Variants in EPHA3 observed in about 807,000 individuals in gnomAD.
The protein encoded by EPHA3 is EPH receptor A3.
Under a neutral mutation model 107.1 loss-of-function variants are expected in EPHA3, and 42 were observed. That is an observed-to-expected ratio of 0.39 (90% CI 0.31 to 0.51). EPHA3 has a LOEUF of 0.51. Ranked by LOEUF, EPHA3 falls within the 20% of genes least tolerant of loss-of-function variation. EPHA3 has a pLI of 0.78. For synonymous variants in EPHA3, 461 were observed against 424.8 expected, an observed-to-expected ratio of 1.09 and a Z score of -1.05; for missense variants, 1,183 against 1,211.2, an observed-to-expected ratio of 0.98 and a Z score of 0.35.
intron 3 of EPHA3, among the ~76,000 whole-genome samples, chr3:89,258,210 C>A (rs1257108691): frequency 2.0e-5 from 3 of 152,084 alleles, no homozygotes; most frequent in Admixed American, 6.5e-5. Flanking sequence ...TAGCTTATGT[C>A]CTGAAAGACA....
At chr3:89,206,284 C>G (rs1035727856) in intron 2 of EPHA3, among the ~76,000 whole-genome samples, 4 of 152,150 alleles carry the variant, frequency 2.6e-5, no homozygotes, top group African/African-American at 9.7e-5. Context: ...ACACTGAGAT[C>G]TCCATAATTA....
intron 3 of EPHA3, among the ~76,000 whole-genome samples, chr3:89,277,641 T>G (rs185959204): frequency 6.6e-6 from 1 of 152,272 alleles, no homozygotes; most frequent in Admixed American, 6.6e-5. Flanking sequence ...TAATTCAAAC[T>G]CTAAAGCACC....
chr3:89,385,041 C>CAT (rs140419595), intron 5 of EPHA3, among the ~76,000 whole-genome samples: 2,433 of 152,256 alleles, frequency 0.016, 67 homozygotes, highest in African/African-American at 0.055. Context: ...ATTTTATACA[C>CAT]ACACATACAT....
At chr3:89,461,172 C>G (rs1710231965) in intron 15 of EPHA3, among the ~76,000 whole-genome samples, 1 of 98,758 alleles carries the variant, frequency 1.0e-5, no homozygotes, top group African/African-American at 4.9e-5. Flanking sequence ...TTTTTTATGG[C>G]TGCATAGTAT....
intron 13 of EPHA3, among the ~76,000 whole-genome samples, chr3:89,439,372 C>T (rs773848455): frequency 8.6e-5 from 13 of 152,010 alleles, no homozygotes; most frequent in Non-Finnish European, 1.6e-4. Context: ...GTGGGAGGGT[C>T]GCTTGAGCCC....
At chr3:89,405,048 A>G (rs990570136) in intron 7 of EPHA3, among the ~76,000 whole-genome samples, 2 of 152,200 alleles carry the variant, frequency 1.3e-5, no homozygotes, top group African/African-American at 2.4e-5. Flanking sequence ...AGATGAAACT[A>G]TAAGAGCTTT....
At chr3:89,132,880 ACT>A (rs1029362446) in intron 2 of EPHA3, among the ~76,000 whole-genome samples, 7 of 152,006 alleles carry the variant, frequency 4.6e-5, no homozygotes, top group Non-Finnish European at 1.0e-4. Context: ...ACGGAGCCAG[ACT>A]CTGTCTCTCA....
rs61733120 is a variant in EPHA3 at position 89,413,167 on chromosome 3, G to A, written c.1789G>A (p.Val597Ile). 570 of 1,611,374 alleles carry A rather than the reference G, an allele frequency of 3.5e-4. 2 individuals are homozygous for A. In the African/African-American group the frequency reaches 6.9e-3, roughly 19 times the overall value. ...AAAACTTCCAGGTCTCAGGACTTAT[G>A]TTGACCCACATACATATGAAGACCC... ...HLKLPGLRTY[V>I]DPHTYEDPTQ... Residue 597 changes from valine (V) to isoleucine (I), a missense_variant, in exon 10 of 17, where the codon GTT becomes ATT. Physicochemically the swap from Val to Ile is conservative, Grantham distance 29 (BLOSUM62 3). Transcript: ENST00000336596.
intron 3 of EPHA3, among the ~76,000 whole-genome samples, chr3:89,333,935 C>T (rs1707344199): frequency 6.6e-6 from 1 of 151,968 alleles, no homozygotes. Context: ...AATGTGCTCT[C>T]TTTTCAGTTG....
intron 3 of EPHA3, among the ~76,000 whole-genome samples, chr3:89,327,099 G>A (rs1707183735): frequency 6.6e-6 from 1 of 152,056 alleles, no homozygotes. Context: ...CCCATGAAGT[G>A]CACTTACCTT....
chr3:89,356,914 G>C (rs760480151), intron 5 of EPHA3, among the ~76,000 whole-genome samples: 2 of 149,494 alleles, frequency 1.3e-5, no homozygotes, highest in Non-Finnish European at 3.0e-5. Flanking sequence ...ACCATCATGG[G>C]AAACATGGTG....
intron 5 of EPHA3, among the ~76,000 whole-genome samples, chr3:89,374,529 A>G (rs1371803556): frequency 6.6e-6 from 1 of 151,940 alleles, no homozygotes; most frequent in Non-Finnish European, 1.5e-5. Context: ...ACTGTTATAC[A>G]CTGGGCATTA....
At chr3:89,182,539 T>C (rs990637558) in intron 2 of EPHA3, among the ~76,000 whole-genome samples, 6 of 151,876 alleles carry the variant, frequency 4.0e-5, no homozygotes, top group African/African-American at 7.2e-5. Flanking sequence ...ACAAAAGGTA[T>C]GCCTTACATT....
intron 2 of EPHA3, among the ~76,000 whole-genome samples, chr3:89,160,548 T>TGTGTGTGTGTGTG (rs1553707124): frequency 8.3e-6 from 1 of 120,476 alleles, no homozygotes; most frequent in Non-Finnish European, 1.7e-5. Context: ...ATATTAGATT[T>TGTGTGTGTGTGTG]TGTGTGTGTG....
rs555967914 is a variant in EPHA3, at chr3:89,292,081, A to G, written c.815-48835A>G. ...CTAAGAAAAATGGAACAAAGACACT[A>G]TAATTCCTTCCAGAAATCTCTGTAG... On this transcript the variant is annotated intron_variant, in intron 3 of 16. Coordinates refer to ENST00000336596, the MANE Select transcript of EPHA3 (RefSeq NM_005233.6). Among the ~76,000 whole-genome samples the G allele has an allele frequency of 1.8e-4, 27 of 152,298 alleles. No individual in the cohort carries two copies. The South Asian group carries it at 4.1e-3, about 23-fold the overall frequency.
intron 2 of EPHA3, among the ~76,000 whole-genome samples, chr3:89,143,013 T>C (rs2107020690): frequency 6.6e-6 from 1 of 151,266 alleles, no homozygotes; most frequent in African/African-American, 2.4e-5. Flanking sequence ...TATCTTAATA[T>C]GAAAGAATCT....
intron 3 of EPHA3, among the ~76,000 whole-genome samples, chr3:89,306,356 C>T (rs1200097986): frequency 6.6e-6 from 1 of 151,996 alleles, no homozygotes; most frequent in East Asian, 1.9e-4. Flanking sequence ...TTTAAGTCAC[C>T]TCAAGACAAG....
intron 14 of EPHA3, among the ~76,000 whole-genome samples, 156 bp downstream of exon 14, chr3:89,449,530 A>G (rs1055197234): frequency 6.6e-6 from 1 of 152,188 alleles, no homozygotes; most frequent in Non-Finnish European, 1.5e-5. Context: ...CAAGGATATT[A>G]TATTAATTGA....
At chr3:89,157,023 G>A (rs1465987479) in intron 2 of EPHA3, among the ~76,000 whole-genome samples, 1 of 151,968 alleles carries the variant, frequency 6.6e-6, no homozygotes, top group East Asian at 1.9e-4. Flanking sequence ...GCAGAAACAA[G>A]GTGTCTGCCT....
Sources: allele counts gnomAD v4.1 joint callset (sites outside exome capture counted in the v4.1 genomes callset), GRCh38; gene constraint gnomAD v4.1.1; transcripts MANE v1.5; gene names NCBI Gene and HGNC (gene_info 2026-07-23, HGNC 2026-07-21).